The following SLCO2A1 variants were observed in gnomAD, a reference collection of about 807,000 sequenced individuals.
SLCO2A1 encodes solute carrier organic anion transporter family member 2A1.
Under a neutral mutation model 71.7 loss-of-function variants are expected in SLCO2A1, and 60 were observed. That is an observed-to-expected ratio of 0.84 (90% CI 0.68 to 1.04). SLCO2A1 has a LOEUF of 1.04. SLCO2A1 is among the 50% of genes least tolerant of loss of function. The probability of loss-of-function intolerance (pLI) is 0.00; values close to 1 mark genes in which losing one functional copy is unlikely to be tolerated. For synonymous variants in SLCO2A1, 308 were observed against 326.7 expected (o/e 0.94, Z 0.62); for missense variants, 745 against 813.4 (o/e 0.92, Z 1.02).
intron 1 of SLCO2A1, among the ~76,000 whole-genome samples, chr3:134,010,569 T>C (rs1935314470): frequency 6.6e-6 from 1 of 151,840 alleles, no homozygotes; most frequent in Non-Finnish European, 1.5e-5. Flanking sequence ...CTGACCAACA[T>C]GGTTAAACCC....
Position 133,963,780 on chromosome 3 carries a change from G to T in SLCO2A1, c.398-8587C>A, listed in dbSNP as rs190204377. Among the ~76,000 whole-genome samples the T allele has an allele frequency of 8.3e-4, 126 of 152,208 alleles. 2 individuals carry two copies. The highest frequency in any genetic ancestry group is 5.8e-3 in the South Asian group (28 of 4,810). Reference sequence around the variant, plus strand: ...TGCCAAGCCCTTAAACTATCAGCACGACTCCTGGAACCTCATTCAGAATGT... The same window carrying T: ...TGCCAAGCCCTTAAACTATCAGCACTACTCCTGGAACCTCATTCAGAATGT... On this transcript the variant is annotated intron_variant, in intron 3 of 13. Transcript: ENST00000310926.
At position 133,951,230 on chromosome 3, in the gene SLCO2A1, C is replaced by A; in HGVS notation, c.839G>T (p.Arg280Leu). 1 of 1,613,668 alleles carries A rather than the reference C, an allele frequency of 6.2e-7. No homozygotes were observed. Among genetic ancestry groups the A allele is most frequent in the Non-Finnish European group, 8.5e-7 (1 of 1,179,966 alleles). ...LTSFPFFFFP[R>L]AMPIGAKRAP... ...TACCTTTGCTCCTATGGGCATTGCT[C>A]GAGGGAAGAAAAAAAAGGGGAAAGA... The change falls in exon 6 of 14, where the codon CGA becomes CTA. Residue 280 changes from arginine to leucine, a missense_variant. By Grantham distance (102) the Arg-to-Leu change is moderately radical (BLOSUM62 -2). Transcript: ENST00000310926.
intron 1 of SLCO2A1, among the ~76,000 whole-genome samples, chr3:134,008,256 G>A (rs892435412): frequency 6.6e-6 from 1 of 152,138 alleles, no homozygotes; most frequent in Non-Finnish European, 1.5e-5. Context: ...GATATGCTTT[G>A]TGACTTTGTA....
intron 1 of SLCO2A1, among the ~76,000 whole-genome samples, chr3:134,010,622 C>T (rs1314086332): frequency 6.6e-6 from 1 of 151,866 alleles, no homozygotes; most frequent in Non-Finnish European, 1.5e-5. Context: ...GGCATGGTGG[C>T]ACGCACCTGT....
chr3:133,934,553 G>T lies in SLCO2A1; in HGVS notation c.*160C>A. 1 of 575,446 alleles carries T rather than the reference G, an allele frequency of 1.7e-6. No homozygotes were observed. The allele number at this position is 575,446 out of a possible 1,614,324, so 35.6% of individuals were successfully genotyped here. ...AGTGGCCCTTAGGAACTGTGGGGAG[G>T]ACTCTGGGAGGAAGAGGTAGGGAAG... On this transcript the variant is annotated 3_prime_UTR_variant, in exon 14 of 14. Coordinates refer to ENST00000310926, the MANE Select transcript of SLCO2A1 (RefSeq NM_005630.3).
chr3:133,935,686 GC>G, intron 13 of SLCO2A1, 87 bp downstream of exon 13: 1 of 1,385,542 alleles, frequency 7.2e-7, no homozygotes, highest in Non-Finnish European at 9.5e-7. Context: ...AAGCCTGACA[GC>G]CCCCACAGTA....
chr3:133,955,413 C>T (rs2108046038), intron 3 of SLCO2A1: 2 of 560,230 alleles, frequency 3.6e-6, no homozygotes, highest in Non-Finnish European at 3.2e-6. Flanking sequence ...GGAATGTGGG[C>T]TCCCCGGCCC....
intron 1 of SLCO2A1, among the ~76,000 whole-genome samples, chr3:134,011,114 G>A (rs528345669): frequency 5.1e-4 from 78 of 152,202 alleles, no homozygotes; most frequent in Non-Finnish European, 1.0e-3. Context: ...GCAATGGCGC[G>A]ATCTCGGCTC....
chr3:133,992,232 C>A (rs1028629221), intron 1 of SLCO2A1, among the ~76,000 whole-genome samples: 1 of 152,148 alleles, frequency 6.6e-6, no homozygotes, highest in African/African-American at 2.4e-5. Flanking sequence ...ATTTTTGCAC[C>A]TTGTGTTATT....
intron 1 of SLCO2A1, among the ~76,000 whole-genome samples, chr3:133,990,572 TAA>T (rs1402531959): frequency 6.6e-6 from 1 of 152,116 alleles, no homozygotes; most frequent in Non-Finnish European, 1.5e-5. Flanking sequence ...TTTACTTGAC[TAA>T]GTCTTCCAAA....
At chr3:133,987,266 C>G (rs1934739740) in intron 1 of SLCO2A1, among the ~76,000 whole-genome samples, 1 of 150,396 alleles carries the variant, frequency 6.6e-6, no homozygotes, top group African/African-American at 2.5e-5. Flanking sequence ...GTCAGACAGA[C>G]CTCATTATAC....
intron 1 of SLCO2A1, among the ~76,000 whole-genome samples, chr3:133,999,745 G>A (rs1191139302): frequency 6.6e-6 from 1 of 152,170 alleles, no homozygotes; most frequent in African/African-American, 2.4e-5. Context: ...GACAAGATGA[G>A]GAGAGGAAAA....
intron 3 of SLCO2A1, among the ~76,000 whole-genome samples, chr3:133,962,678 G>GA (rs1445513793): frequency 1.3e-5 from 2 of 152,206 alleles, no homozygotes; most frequent in Non-Finnish European, 2.9e-5. Flanking sequence ...ACATTAGGAA[G>GA]AAACAGCAAC....
In SLCO2A1 at chr3:133,947,424, G is replaced by A. The variant is rs1377056964; in HGVS notation, c.1127C>T (p.Ala376Val). The change falls in exon 9 of 14, where the codon GCA becomes GTA. Residue 376 changes from alanine (A) to valine (V), a missense_variant. By Grantham distance (64) the Ala-to-Val change is moderately conservative. Coordinates refer to ENST00000310926, the MANE Select transcript of SLCO2A1 (RefSeq NM_005630.3). ...FLIGAVNLPA[A>V]ALGMLFGGIL... The stretch of plus-strand genomic sequence containing the variant: ...TCCTCCAAACAGCATCCCCAAGGCT[G>A]CAGCAGGGAGGTTCACAGCACCTAT... 1.9e-6 allele frequency: 3 copies of A among 1,613,696 alleles called. No individual in the cohort carries two copies. The highest frequency in any genetic ancestry group is 2.5e-6 in the Non-Finnish European group (3 of 1,179,828).
intron 1 of SLCO2A1, among the ~76,000 whole-genome samples, chr3:134,005,481 A>ATTTTTTTTTTTTTTTTTTTTTTTTTT (rs35386403): frequency 7.5e-6 from 1 of 133,920 alleles, no homozygotes. Context: ...ATGTGTTATA[A>ATTTTTTTTTTTTTTTTTTTTTTTTTT]TTTTTTTTTT....
intron 1 of SLCO2A1, among the ~76,000 whole-genome samples, chr3:133,983,559 A>G (rs549834072): frequency 6.6e-6 from 1 of 152,344 alleles, no homozygotes; most frequent in East Asian, 1.9e-4. Context: ...AAACACATCA[A>G]GGTCACACTC....
At chr3:133,997,534 C>A (rs1045247909) in intron 1 of SLCO2A1, among the ~76,000 whole-genome samples, 1 of 152,198 alleles carries the variant, frequency 6.6e-6, no homozygotes, top group Non-Finnish European at 1.5e-5. Flanking sequence ...ACAATCGAGG[C>A]AGAAGCTGGA....
intron 4 of SLCO2A1, 94 bp downstream of exon 4, chr3:133,954,872 A>T: frequency 1.0e-6 from 1 of 977,224 alleles, no homozygotes; most frequent in South Asian, 1.6e-5. Flanking sequence ...GTAAGCAAAG[A>T]GGGTGGGACC....
intron 1 of SLCO2A1, among the ~76,000 whole-genome samples, chr3:133,992,612 T>A (rs1267106585): frequency 6.6e-6 from 1 of 152,012 alleles, no homozygotes; most frequent in Non-Finnish European, 1.5e-5. Flanking sequence ...TGCACCCCCA[T>A]CCTGAGCCCA....
Sources: allele counts gnomAD v4.1 joint callset (sites outside exome capture counted in the v4.1 genomes callset), GRCh38; gene constraint gnomAD v4.1.1; transcripts MANE v1.5; gene names NCBI Gene and HGNC (gene_info 2026-07-23, HGNC 2026-07-21).